Variants in IL6R observed in about 807,000 individuals in gnomAD.
IL6R encodes interleukin-6 receptor subunit alpha.
IL6R carries 38 observed loss-of-function variants against 48.3 expected under a neutral mutation model. The observed-to-expected ratio is 0.79, with a 90% CI of 0.61 to 1.03. The LOEUF is 1.03. Ranked by LOEUF, IL6R falls within the 50% of genes least tolerant of loss-of-function variation. The pLI is 0.00. For missense variants in IL6R, 534 were observed against 618.3 expected, an observed-to-expected ratio of 0.86 and a Z score of 1.45; for synonymous variants, 264 against 256.2, an observed-to-expected ratio of 1.03 and a Z score of -0.29.
intron 1 of IL6R, among the ~76,000 whole-genome samples, chr1:154,406,041 A>T (rs1687692010): frequency 6.6e-6 from 1 of 152,084 alleles, no homozygotes. Flanking sequence ...AGGAGCCTTT[A>T]CACAACCGCG....
Position 154,429,211 on chromosome 1 carries a change from TGCTG to T in IL6R, c.102_105del (p.Leu35ProfsTer8). On this transcript the variant is annotated frameshift_variant, in exon 2 of 10. Transcript: ENST00000368485. LOFTEE classifies it high-confidence loss of function. The stretch of plus-strand genomic sequence containing the variant: ...CCTCCTCCAGAGGTGGCGAGAGGCG[TGCTG>T]ACCAGTCTGCCAGGAGACAGCGTGA... 6.2e-7 allele frequency: 1 copy of T among 1,613,156 alleles called. No individual in the cohort carries two copies. The highest frequency in any genetic ancestry group is 1.1e-5 in the South Asian group (1 of 91,070).
Position 154,465,606 on chromosome 1 carries a change from G to C in IL6R, c.*226G>C, listed in dbSNP as rs372345902. ...CCTTTCCAAATGCCCAGCTTAAAGGGGCTAGAGTGAACTTGGGCCACTGTG... is the reference window on the plus strand; with the variant it reads ...CCTTTCCAAATGCCCAGCTTAAAGGCGCTAGAGTGAACTTGGGCCACTGTG... On this transcript the variant is annotated 3_prime_UTR_variant, in exon 10 of 10. Transcript: ENST00000368485. The C allele has an allele frequency of 1.7e-6, 1 of 587,558 alleles. No individual in the cohort carries two copies. Among genetic ancestry groups the C allele is most frequent in the African/African-American group, 1.9e-5 (1 of 53,584 alleles). The allele number at this position is 587,558 out of a possible 1,614,324, so 36.4% of individuals were successfully genotyped here. A position where few individuals can be genotyped will look rare whatever the true frequency, so the allele number is the denominator to read the frequency against.
chr1:154,413,358 T>G (rs923965117), intron 1 of IL6R, among the ~76,000 whole-genome samples: 6 of 152,240 alleles, frequency 3.9e-5, no homozygotes, highest in African/African-American at 1.4e-4. Context: ...CGGCCCCTGC[T>G]GTGGGGAATA....
At chr1:154,415,435 T>G (rs1361650450) in intron 1 of IL6R, among the ~76,000 whole-genome samples, 1 of 152,234 alleles carries the variant, frequency 6.6e-6, no homozygotes, top group Non-Finnish European at 1.5e-5. Flanking sequence ...ATCTACCAAA[T>G]TCCTGTATAC....
chr1:154,430,500 C>T lies in IL6R; in HGVS notation c.352C>T (p.Gln118Ter). 6.2e-7 allele frequency: 1 copy of T among 1,614,018 alleles called. No homozygotes were observed. Among genetic ancestry groups the T allele is most frequent in the Non-Finnish European group, 8.5e-7 (1 of 1,179,986 alleles). ...LLVDVPPEEPQLSCFRKSPLS... is the reference protein window; with the variant it reads ...LLVDVPPEEP ...CCTTTCAGTTCCCCCCGAGGAGCCC[C>T]AGCTCTCCTGCTTCCGGAAGAGCCC... Residue 118 changes from glutamine to a stop codon, truncating the protein, a stop_gained, in exon 3 of 10, where the codon CAG becomes TAG. Coordinates refer to ENST00000368485, the MANE Select transcript of IL6R (RefSeq NM_000565.4). LOFTEE classifies it high-confidence loss of function.
At chr1:154,439,828 T>TTTGC (rs1036974635) in intron 6 of IL6R, among the ~76,000 whole-genome samples, 58 of 152,300 alleles carry the variant, frequency 3.8e-4, no homozygotes, top group African/African-American at 1.1e-3. Context: ...TAGTACTTCA[T>TTTGC]TTGCTTGCTT....
intron 9 of IL6R, among the ~76,000 whole-genome samples, chr1:154,461,451 G>A (rs760403734): frequency 1.3e-5 from 2 of 152,160 alleles, no homozygotes; most frequent in Non-Finnish European, 2.9e-5. Flanking sequence ...ACCAAGGAGC[G>A]CTCCAGCGGC....
At chr1:154,444,733 CA>C (rs992077161) in intron 6 of IL6R, among the ~76,000 whole-genome samples, 1 of 151,242 alleles carries the variant, frequency 6.6e-6, no homozygotes, top group African/African-American at 2.4e-5. Flanking sequence ...CCTGTCTTTA[CA>C]AAAAAAAGTT....
At position 154,447,462 on chromosome 1, in the gene IL6R, T is replaced by TACAC. The variant is rs1558323471; in HGVS notation, c.950-662_950-661insCACA. ...TCAAAAAAAAAAAAAAAAATATATA[T>TACAC]ATATATATATATATACACACACACA... On this transcript the variant is annotated intron_variant, in intron 6 of 9. Transcript: ENST00000368485. Among the ~76,000 whole-genome samples the TACAC allele has an allele frequency of 3.4e-3, 299 of 88,232 alleles. 9 individuals carry two copies. The highest frequency in any genetic ancestry group is 0.017 in the African/African-American group (280 of 16,368). 57.9% of individuals were successfully genotyped at this position (88,232 alleles called of 152,430 possible).
chr1:154,409,941 G>T (rs778514723), intron 1 of IL6R, among the ~76,000 whole-genome samples: 150 of 152,276 alleles, frequency 9.9e-4, no homozygotes, highest in Non-Finnish European at 1.7e-3. Flanking sequence ...CATAATATTT[G>T]AGTGAAGACC....
At chr1:154,444,231 G>A (rs542218305) in intron 6 of IL6R, among the ~76,000 whole-genome samples, 1 of 133,824 alleles carries the variant, frequency 7.5e-6, no homozygotes, top group Non-Finnish European at 1.6e-5. Flanking sequence ...TTTTTGAAAC[G>A]GAGTTTCGCT....
chr1:154,450,857 T>C, intron 8 of IL6R, among the ~76,000 whole-genome samples: 1 of 152,240 alleles, frequency 6.6e-6, no homozygotes, highest in South Asian at 2.1e-4. Flanking sequence ...GATTCCTGCC[T>C]GCACTGATGC....
intron 8 of IL6R, 100 bp from the exon 9 acceptor site, chr1:154,454,388 G>A: frequency 1.3e-6 from 1 of 771,366 alleles, no homozygotes. Context: ...TTCCTTTGAG[G>A]CTTTTGACAG....
chr1:154,465,378 T>G lies in IL6R; in HGVS notation c.1405T>G (p.Ter469GluextTer13). Reference protein sequence around the residue: ...ISNTDYFFPR* With the variant: ...ISNTDYFFPRE ...CAATACAGACTACTTCTTCCCCAGA[T>G]AGCTGGCTGGGTGGCACCAGCAGCC... The change falls in exon 10 of 10, where the codon TAG (stop) becomes GAG (glutamate). Residue 469 changes from the stop codon to glutamate (E), a stop_lost. Transcript: ENST00000368485. The G allele has an allele frequency of 1.2e-6, 2 of 1,614,116 alleles. No individual in the cohort carries two copies. The highest frequency in any genetic ancestry group is 1.7e-5 in the Admixed American group (1 of 60,020).
intron 1 of IL6R, among the ~76,000 whole-genome samples, chr1:154,410,556 G>A (rs916598895): frequency 2.0e-5 from 3 of 152,288 alleles, no homozygotes; most frequent in Non-Finnish European, 4.4e-5. Flanking sequence ...CAGCTGGGAG[G>A]TTTTTTTGTG....
At chr1:154,442,404 G>C (rs1161864643) in intron 6 of IL6R, among the ~76,000 whole-genome samples, 5 of 152,222 alleles carry the variant, frequency 3.3e-5, no homozygotes, top group Admixed American at 3.3e-4. Context: ...TGTGAGCAAG[G>C]GGAGGGTGGC....
In IL6R at chr1:154,405,451, G is replaced by C. The variant is rs961909307; in HGVS notation, c.-179G>C. 1 of 563,954 alleles carries C rather than the reference G, an allele frequency of 1.8e-6. No individual in the cohort carries two copies. The highest frequency in any genetic ancestry group is 2.0e-5 in the African/African-American group (1 of 49,446). 34.9% of individuals were successfully genotyped at this position (563,954 alleles called of 1,614,324 possible). On this transcript the variant is annotated 5_prime_UTR_variant, in exon 1 of 10. Coordinates refer to ENST00000368485, the MANE Select transcript of IL6R (RefSeq NM_000565.4). The surrounding 1 kb of genome is among the most constrained non-coding windows in gnomAD (Gnocchi z 5.2). ...GAGGGAGAGGAGCCGAGCGCGGCGC[G>C]GGGCCGAGGGACTCGCAGTGTGTGT... is the stretch of plus-strand genomic sequence containing the variant.
At chr1:154,435,892 G>T in intron 5 of IL6R, 77 bp from the exon 6 acceptor site, 1 of 1,324,484 alleles carries the variant, frequency 7.6e-7, no homozygotes, top group Non-Finnish European at 1.0e-6. Flanking sequence ...GCTGGCCAAG[G>T]CACCAACCCA....
rs767071743 is a variant in IL6R, at chr1:154,429,429, C to T, written c.319C>T (p.His107Tyr). ...GGCCGGCCGCCCAGCTGGGACTGTG[C>T]ACTTGCTGGTGGATGGTGAGTTGTG... ...YRAGRPAGTV[H>Y]LLVDVPPEEP... The change falls in exon 2 of 10, where the codon CAC (histidine) becomes TAC (tyrosine). Residue 107 changes from histidine to tyrosine, a missense_variant. By Grantham distance (83) the His-to-Tyr change is moderately conservative. Coordinates refer to ENST00000368485, the MANE Select transcript of IL6R (RefSeq NM_000565.4). 6.2e-7 allele frequency: 1 copy of T among 1,610,504 alleles called. No individual in the cohort carries two copies. The highest frequency in any genetic ancestry group is 1.1e-5 in the South Asian group (1 of 90,976).
Sources: gnomAD v4.1 joint callset for allele counts (sites outside exome capture counted in the v4.1 genomes callset) on GRCh38, gnomAD v4.1.1 for gene constraint, Gnocchi (gnomAD v3.1) non-coding constraint, MANE v1.5 for transcripts, NCBI Gene and HGNC (gene_info 2026-07-23, HGNC 2026-07-21) for gene names.